The following ARB2A variants were observed in gnomAD, a reference collection of about 807,000 sequenced individuals.
ARB2A encodes the protein ARB2 cotranscriptional regulator A.
the ARB2A span, among the ~76,000 whole-genome samples, chr5:93,939,402 A>T: frequency 2.0e-5 from 3 of 152,248 alleles, no homozygotes; most frequent in South Asian, 6.2e-4. Flanking sequence ...TTCATATCTT[A>T]AGTTGTGTCC....
At chr5:93,732,960 AT>A in the ARB2A span, among the ~76,000 whole-genome samples, 1 of 152,052 alleles carries the variant, frequency 6.6e-6, no homozygotes, top group Admixed American at 6.6e-5. Context: ...TCTTCTAAAA[AT>A]GGTATAAAGT....
At chr5:94,032,709 T>C in the ARB2A span, among the ~76,000 whole-genome samples, 1 of 152,154 alleles carries the variant, frequency 6.6e-6, no homozygotes, top group Non-Finnish European at 1.5e-5. Context: ...ATCCCTCACC[T>C]TGCAATCATC....
the ARB2A span, among the ~76,000 whole-genome samples, chr5:94,077,174 A>C: frequency 2.0e-5 from 3 of 151,914 alleles, no homozygotes; most frequent in Admixed American, 6.6e-5. Flanking sequence ...GGAGATGGAG[A>C]CCAACCTGGC....
At chr5:93,854,357 A>G in the ARB2A span, among the ~76,000 whole-genome samples, 1 of 151,432 alleles carries the variant, frequency 6.6e-6, no homozygotes, top group South Asian at 2.1e-4. Flanking sequence ...TTTCTTCTTT[A>G]TTAGTCTTGC....
chr5:93,852,623 A>AT, the ARB2A span, among the ~76,000 whole-genome samples: 2 of 152,200 alleles, frequency 1.3e-5, no homozygotes, highest in African/African-American at 2.4e-5. Flanking sequence ...TCTTGAATTA[A>AT]TTTTTGTATT....
chr5:93,683,052 C>A, the ARB2A span: 1 of 1,561,466 alleles, frequency 6.4e-7, no homozygotes, highest in Non-Finnish European at 8.7e-7. Flanking sequence ...GATTCTTGTC[C>A]TTTTGATCTT....
At chr5:93,884,709 A>C in the ARB2A span, among the ~76,000 whole-genome samples, 3 of 151,614 alleles carry the variant, frequency 2.0e-5, no homozygotes, top group African/African-American at 7.2e-5. Context: ...ATGAGAGTGG[A>C]TTTTAATAAA....
chr5:93,824,137 T>C, the ARB2A span: 6 of 1,558,844 alleles, frequency 3.8e-6, no homozygotes, highest in Non-Finnish European at 5.2e-6. Context: ...GAGAGTAAAA[T>C]AAGCACTTAC....
At chr5:93,773,922 C>T in the ARB2A span, among the ~76,000 whole-genome samples, 1 of 152,284 alleles carries the variant, frequency 6.6e-6, no homozygotes, top group Admixed American at 6.5e-5. Flanking sequence ...TGTGCACCAC[C>T]ATACTTGGCT....
chr5:94,012,364 T>G, the ARB2A span, among the ~76,000 whole-genome samples: 2 of 152,234 alleles, frequency 1.3e-5, no homozygotes, highest in Admixed American at 1.3e-4. Flanking sequence ...ATCGCGCCAC[T>G]GCACTCCAGC....
chr5:94,062,129 C>G, the ARB2A span, among the ~76,000 whole-genome samples: 15 of 152,148 alleles, frequency 9.9e-5, no homozygotes, highest in African/African-American at 3.6e-4. Flanking sequence ...ATGCCCAATT[C>G]ATGGTTGACA....
At chr5:94,027,219 T>TATATATTTGGTCTTCAACC in the ARB2A span, among the ~76,000 whole-genome samples, 2 of 152,210 alleles carry the variant, frequency 1.3e-5, no homozygotes, top group African/African-American at 4.8e-5. Context: ...TATTGTGAAC[T>TATATATTTGGTCTTCAACC]ATATATTTGG....
the ARB2A span, among the ~76,000 whole-genome samples, chr5:93,823,765 G>A: frequency 1.3e-5 from 2 of 151,958 alleles, no homozygotes; most frequent in Non-Finnish European, 2.9e-5. Flanking sequence ...GAACATCCTG[G>A]CCAACATGGT....
chr5:94,001,452 T>A, the ARB2A span, among the ~76,000 whole-genome samples: 5 of 152,100 alleles, frequency 3.3e-5, no homozygotes, highest in African/African-American at 1.2e-4. Context: ...TCATTATGCA[T>A]ATTTACATCA....
chr5:94,070,734 CAAT>C, the ARB2A span, among the ~76,000 whole-genome samples: 1 of 151,686 alleles, frequency 6.6e-6, no homozygotes, highest in African/African-American at 2.4e-5. Flanking sequence ...TAAAACTCAA[CAAT>C]AAGAACACAA....
chr5:93,894,399 T>C, the ARB2A span, among the ~76,000 whole-genome samples: 1 of 151,512 alleles, frequency 6.6e-6, no homozygotes, highest in Non-Finnish European at 1.5e-5. Flanking sequence ...TCTTTGTGTT[T>C]TTTTAATATT....
At chr5:94,061,163 G>A in the ARB2A span, among the ~76,000 whole-genome samples, 2 of 152,138 alleles carry the variant, frequency 1.3e-5, no homozygotes, top group South Asian at 4.2e-4. Flanking sequence ...GTGTGAACCC[G>A]GGAGGCAGAG....
At chr5:93,715,737 T>C in the ARB2A span, among the ~76,000 whole-genome samples, 3 of 152,046 alleles carry the variant, frequency 2.0e-5, no homozygotes, top group Non-Finnish European at 4.4e-5. Context: ...GGCACGCAAT[T>C]TCCTAAGATG....
the ARB2A span, among the ~76,000 whole-genome samples, chr5:93,779,678 G>A: frequency 6.6e-6 from 1 of 152,214 alleles, no homozygotes; most frequent in African/African-American, 2.4e-5. Context: ...AGGGCGGGCA[G>A]ATAGGGACAG....
Sources: allele counts gnomAD v4.1 joint callset (sites outside exome capture counted in the v4.1 genomes callset), GRCh38; gene constraint gnomAD v4.1.1; transcripts MANE v1.5; gene names NCBI Gene and HGNC (gene_info 2026-07-23, HGNC 2026-07-21).